CDH18: variants seen among roughly 807,000 people sequenced by gnomAD.
CDH18 encodes cadherin-18.
A neutral mutation model predicts 67.9 loss-of-function variants in CDH18; 31 were observed. The ratio of observed to expected loss-of-function variants is 0.46; its 90% CI spans 0.34 to 0.62. The LOEUF (loss-of-function observed/expected upper bound fraction) is 0.62, where lower values mean the gene tolerates loss of function less well. Ranked by LOEUF, CDH18 falls within the 20% of genes least tolerant of loss-of-function variation. The pLI is 0.01. For synonymous variants in CDH18, 362 were observed against 347.2 expected (o/e 1.04, Z -0.48); for missense variants, 890 against 975.5 (o/e 0.91, Z 1.17).
intron 2 of CDH18, among the ~76,000 whole-genome samples, chr5:19,911,583 A>T (rs1311671851): frequency 6.6e-6 from 1 of 151,994 alleles, no homozygotes; most frequent in Non-Finnish European, 1.5e-5. Context: ...CCAAATAGAA[A>T]GAGGAAGAGA....
At chr5:19,963,221 C>A (rs1797089501) in intron 2 of CDH18, among the ~76,000 whole-genome samples, 1 of 152,104 alleles carries the variant, frequency 6.6e-6, no homozygotes, top group African/African-American at 2.4e-5. Context: ...AGGTTTAAAA[C>A]AATTCTTAAG....
At chr5:19,629,256 T>C (rs558563534) in intron 5 of CDH18, among the ~76,000 whole-genome samples, 53 of 152,270 alleles carry the variant, frequency 3.5e-4, no homozygotes, top group East Asian at 9.7e-4. Context: ...CTCTACAAGA[T>C]GAGAAGTATC....
chr5:19,754,164 A>T (rs55998708), intron 3 of CDH18, among the ~76,000 whole-genome samples: 1 of 152,124 alleles, frequency 6.6e-6, no homozygotes, highest in African/African-American at 2.4e-5. Context: ...ACATCTCAAC[A>T]TTAACATTGA....
chr5:19,612,637 A>G (rs1165886557), intron 5 of CDH18, 36 bp from the exon 6 acceptor site: 41 of 1,463,322 alleles, frequency 2.8e-5, no homozygotes, highest in Non-Finnish European at 3.8e-5. Flanking sequence ...AGTATGAGCT[A>G]TATAATAAGC....
intron 12 of CDH18, among the ~76,000 whole-genome samples, chr5:19,477,684 G>A (rs1738717208): frequency 6.6e-6 from 1 of 151,926 alleles, no homozygotes; most frequent in African/African-American, 2.4e-5. Context: ...TTTAAAAACT[G>A]ACAGTCAAAA....
chr5:19,784,237 A>T (rs1049155076), intron 3 of CDH18, among the ~76,000 whole-genome samples: 3 of 152,160 alleles, frequency 2.0e-5, no homozygotes, highest in Admixed American at 2.0e-4. Flanking sequence ...CAAACAGTTT[A>T]TGAGTATGTT....
At chr5:19,727,480 G>A (rs1292970178) in intron 4 of CDH18, among the ~76,000 whole-genome samples, 1 of 152,168 alleles carries the variant, frequency 6.6e-6, no homozygotes, top group South Asian at 2.1e-4. Context: ...GGAGAGCTGT[G>A]AAACAGGTCA....
intron 3 of CDH18, among the ~76,000 whole-genome samples, chr5:19,757,670 T>G (rs1387442547): frequency 6.6e-6 from 1 of 152,204 alleles, no homozygotes; most frequent in African/African-American, 2.4e-5. Flanking sequence ...TTTTGACCAC[T>G]CAGAGAGGTC....
intron 2 of CDH18, among the ~76,000 whole-genome samples, chr5:20,241,712 G>A (rs1257638955): frequency 1.3e-5 from 2 of 151,470 alleles, no homozygotes; most frequent in African/African-American, 4.9e-5. Context: ...TTAGCCAGGC[G>A]TGGTTGGGGG....
intron 1 of CDH18, among the ~76,000 whole-genome samples, chr5:20,567,132 AT>A (rs1323908307): frequency 2.6e-5 from 4 of 152,190 alleles, no homozygotes; most frequent in African/African-American, 9.6e-5. Context: ...TCAATAGAAT[AT>A]TTAATACATT....
chr5:20,477,493 G>T (rs1158651828), intron 1 of CDH18, among the ~76,000 whole-genome samples: 1 of 152,164 alleles, frequency 6.6e-6, no homozygotes, highest in Non-Finnish European at 1.5e-5. Flanking sequence ...CACAGTGATT[G>T]TGAGGCTTTG....
At chr5:19,918,248 GACA>G (rs1245425118) in intron 2 of CDH18, among the ~76,000 whole-genome samples, 1 of 152,064 alleles carries the variant, frequency 6.6e-6, no homozygotes, top group African/African-American at 2.4e-5. Context: ...CTTCCAACAT[GACA>G]ACAATTTGAC....
At chr5:20,099,230 C>G (rs1746250044) in intron 2 of CDH18, among the ~76,000 whole-genome samples, 1 of 152,252 alleles carries the variant, frequency 6.6e-6, no homozygotes, top group African/African-American at 2.4e-5. Flanking sequence ...TTCCAATTTT[C>G]TTTCTGAGAG....
intron 2 of CDH18, among the ~76,000 whole-genome samples, chr5:20,059,986 G>A (rs980237280): frequency 9.9e-5 from 15 of 150,786 alleles, no homozygotes; most frequent in Non-Finnish European, 1.5e-5. Context: ...GGGCTGGGGG[G>A]CTAGGGGAGG....
At chr5:20,558,039 C>G (rs1758011239) in intron 1 of CDH18, among the ~76,000 whole-genome samples, 1 of 146,818 alleles carries the variant, frequency 6.8e-6, no homozygotes, top group Non-Finnish European at 1.5e-5. Context: ...AGTTATATAA[C>G]ATTAATTGTT....
chr5:20,186,814 A>G (rs925431802), intron 2 of CDH18, among the ~76,000 whole-genome samples: 9 of 151,932 alleles, frequency 5.9e-5, no homozygotes, highest in African/African-American at 2.2e-4. Context: ...GAGAAATAGA[A>G]ACAAGTACTT....
Position 19,503,096 on chromosome 5 carries a change from A to G in CDH18, c.1526T>C (p.Ile509Thr). ...NSKPGQVIHT[I>T]SATDKDDFAN... The stretch of plus-strand genomic sequence containing the variant: ...AAAATCATCTTTATCAGTGGCACTG[A>G]TGGTATGAATAACCTAAAGAAAAGA... The change falls in exon 11 of 13, where the codon ATC becomes ACC. Residue 509 changes from isoleucine (I) to threonine (T), a missense_variant. Physicochemically the swap from Ile to Thr is moderately conservative, Grantham distance 89. This residue lies in a region of CDH18 where 656 missense variants were observed against 668.1 expected (regional missense o/e 0.98). Transcript: ENST00000382275. 6.3e-7 allele frequency: 1 copy of G among 1,578,700 alleles called. No individual in the cohort carries two copies. Among genetic ancestry groups the G allele is most frequent in the East Asian group, 2.2e-5 (1 of 44,658 alleles).
chr5:20,106,779 G>C (rs1746979463), intron 2 of CDH18, among the ~76,000 whole-genome samples: 1 of 152,082 alleles, frequency 6.6e-6, no homozygotes, highest in South Asian at 2.1e-4. Context: ...GTGAAAACAT[G>C]GTTATAATAT....
rs940204389 is a variant in CDH18 at position 20,442,070 on chromosome 5, G to A, written c.-580+133392C>T. ...TGCCATCTATCTTGTTAATTGCATA[G>A]TTAGTCCCTCTATCTAGGTAATGCA... On this transcript the variant is annotated intron_variant, in intron 1 of 14. Transcript: ENST00000507958. 7.9e-5 allele frequency among the ~76,000 whole-genome samples: 12 copies of A among 151,882 alleles called. 2 individuals carry two copies. Among genetic ancestry groups the A allele is most frequent in the African/African-American group, 2.7e-4 (11 of 41,154 alleles).
Sources: allele counts gnomAD v4.1 joint callset (sites outside exome capture counted in the v4.1 genomes callset), GRCh38; gene constraint gnomAD v4.1.1; regional missense constraint gnomAD v4.1.1; transcripts MANE v1.5; gene names NCBI Gene and HGNC (gene_info 2026-07-23, HGNC 2026-07-21).